Variants in DNAH5 observed in about 807,000 individuals in gnomAD.
DNAH5 encodes the protein dynein axonemal heavy chain 5, also known as axonemal beta dynein heavy chain 5.
In DNAH5, 372 loss-of-function variants were observed where a neutral mutation model predicts 518.2. The ratio of observed to expected loss-of-function variants is 0.72; its 90% CI spans 0.66 to 0.78. DNAH5 has a LOEUF of 0.78. DNAH5 is among the 30% of genes least tolerant of loss of function. The probability of loss-of-function intolerance (pLI) is 0.00; values close to 1 mark genes in which losing one functional copy is unlikely to be tolerated. For synonymous variants in DNAH5, 2,039 were observed against 2,025.9 expected (o/e 1.01, Z -0.17); for missense variants, 5,523 against 5,687.0 (o/e 0.97, Z 0.93).
At chr5:13,821,087 T>A (rs992616337) in intron 40 of DNAH5, among the ~76,000 whole-genome samples, 1 of 152,172 alleles carries the variant, frequency 6.6e-6, no homozygotes, top group African/African-American at 2.4e-5. Context: ...ATATATTGCA[T>A]GAAAAATACA....
At chr5:13,942,265 A>G (rs1302528953) in intron 1 of DNAH5, among the ~76,000 whole-genome samples, 1 of 151,070 alleles carries the variant, frequency 6.6e-6, no homozygotes, top group Non-Finnish European at 1.5e-5. Context: ...TTATTACATT[A>G]CAGTAGCCTA....
intron 1 of DNAH5, among the ~76,000 whole-genome samples, chr5:13,941,215 A>C (rs755033966): frequency 7.2e-5 from 11 of 152,290 alleles, no homozygotes; most frequent in Non-Finnish European, 1.5e-4. Flanking sequence ...AAAATTAGCC[A>C]GATGCGGGGA....
chr5:13,867,991 T>C lies in DNAH5; in HGVS notation c.3836A>G (p.Glu1279Gly), dbSNP rs758120129. The C allele has an allele frequency of 6.3e-7, 1 of 1,587,438 alleles. No homozygotes were observed. Among genetic ancestry groups the C allele is most frequent in the Non-Finnish European group, 8.6e-7 (1 of 1,165,580 alleles). ...SIDFQVGPIE[E>G]SYALLNRYGL... ...ATATCTGTTAAGCAGGGCATAAGATTCCTAAAAAAAAATAGGAAAAACTTA... is the reference window on the plus strand; with the variant it reads ...ATATCTGTTAAGCAGGGCATAAGATCCCTAAAAAAAAATAGGAAAAACTTA... The change falls in exon 25 of 79, where the codon GAA becomes GGA. Residue 1279 changes from glutamate to glycine, a missense_variant and splice_region_variant. Around this residue, in one of 3 missense-constraint regions of DNAH5, gnomAD observed 5,121 missense variants for 5,223.3 expected, o/e 0.98. Coordinates refer to ENST00000265104, the MANE Select transcript of DNAH5 (RefSeq NM_001369.3).
chr5:13,955,891 T>A (rs1780733022), intron 1 of DNAH5, among the ~76,000 whole-genome samples: 1 of 152,164 alleles, frequency 6.6e-6, no homozygotes, highest in African/African-American at 2.4e-5. Flanking sequence ...CTTATTTCAA[T>A]ATTAAATTTT....
In DNAH5 at chr5:13,900,362, T is replaced by C. The variant is rs1287386869; in HGVS notation, c.2103A>G (p.Pro701=). 6.2e-6 allele frequency: 10 copies of C among 1,614,186 alleles called. No homozygotes were observed. Among genetic ancestry groups the C allele is most frequent in the Non-Finnish European group, 7.6e-6 (9 of 1,180,018 alleles). The change falls in exon 15 of 79, where the codon CCA becomes CCG. Residue 701 remains proline (P), a synonymous_variant. Coordinates refer to ENST00000265104, the MANE Select transcript of DNAH5 (RefSeq NM_001369.3). The part of the protein sequence containing the change: ...GLEASLLVKA[P]GTGELFVNFD... ...AGTTTACAAACAATTCCCCTGTGCC[T>C]GGAGCCTTCACCAATAATGAAGCCT...
At chr5:14,005,242 C>T (rs763670790) in intron 1 of DNAH5, among the ~76,000 whole-genome samples, 3 of 152,194 alleles carry the variant, frequency 2.0e-5, no homozygotes, top group Admixed American at 1.3e-4. Flanking sequence ...TCCAGAAAAC[C>T]CTCTTTGACC....
chr5:13,916,779 C>T (rs934581322), intron 8 of DNAH5, among the ~76,000 whole-genome samples: 6 of 151,840 alleles, frequency 4.0e-5, no homozygotes, highest in Non-Finnish European at 7.4e-5. Flanking sequence ...CTTCCGAAAG[C>T]TAAAAGATTA....
At position 13,700,795 on chromosome 5, in the gene DNAH5, T is replaced by C; in HGVS notation, c.13568A>G (p.Asp4523Gly). The change falls in exon 78 of 79, where the codon GAC becomes GGC. Residue 4523 changes from aspartate to glycine, a missense_variant. Around this residue, in one of 3 missense-constraint regions of DNAH5, gnomAD observed 387 missense variants for 430.0 expected, o/e 0.90. Transcript: ENST00000265104. ...LCNEVTKWMK[D>G]DISAPPTEGV... is the part of the protein sequence containing the mutation. ...CTCTGTGGGAGGGGCAGAAATGTCG[T>C]CCTTCATCCATTTGGTGACTTCATT... 1 of 1,614,150 alleles carries C rather than the reference T, an allele frequency of 6.2e-7. No individual in the cohort carries two copies. The highest frequency in any genetic ancestry group is 8.5e-7 in the Non-Finnish European group (1 of 1,180,002).
intron 9 of DNAH5, among the ~76,000 whole-genome samples, 197 bp from the exon 10 acceptor site, chr5:13,914,839 G>A (rs1776450728): frequency 6.6e-6 from 1 of 152,060 alleles, no homozygotes; most frequent in Admixed American, 6.6e-5. Flanking sequence ...AAATCACAGA[G>A]TTGGAAGCAC....
At chr5:13,906,101 G>T (rs891094200) in intron 12 of DNAH5, among the ~76,000 whole-genome samples, 3 of 152,186 alleles carry the variant, frequency 2.0e-5, no homozygotes, top group Non-Finnish European at 2.9e-5. Flanking sequence ...AGTAGTTACC[G>T]GGAGAGGGAA....
At chr5:13,714,217 A>C (rs1446984073) in intron 75 of DNAH5, among the ~76,000 whole-genome samples, 188 bp downstream of exon 75, 3 of 152,316 alleles carry the variant, frequency 2.0e-5, no homozygotes, top group Middle Eastern at 3.4e-3. Context: ...TGGTTTATAT[A>C]TTGAAAAGAT....
At chr5:13,824,135 A>G in intron 39 of DNAH5, 64 bp downstream of exon 39, 3 of 1,493,712 alleles carry the variant, frequency 2.0e-6, no homozygotes, top group Non-Finnish European at 2.8e-6. Context: ...TTGAAGTCTC[A>G]TGTATGGGCA....
At chr5:13,984,158 G>C (rs2152069097) in intron 1 of DNAH5, among the ~76,000 whole-genome samples, 1 of 152,290 alleles carries the variant, frequency 6.6e-6, no homozygotes, top group East Asian at 1.9e-4. Context: ...TGCCAGCTTT[G>C]AAGGAGCCTG....
chr5:13,804,193 T>C lies in DNAH5; in HGVS notation c.7887+3398A>G, dbSNP rs145369842. Among the ~76,000 whole-genome samples the C allele has an allele frequency of 7.1e-3, 1,084 of 152,286 alleles. 5 individuals carry two copies. Among genetic ancestry groups the C allele is most frequent in the Non-Finnish European group, 0.01 (684 of 68,016 alleles). On this transcript the variant is annotated intron_variant, in intron 47 of 78. Coordinates refer to ENST00000265104, the MANE Select transcript of DNAH5 (RefSeq NM_001369.3). ...AAATGGAGTGACTGTATAATTTTTG[T>C]CCAAACTTTTGATAGTGGCAAAGGA... is the stretch of plus-strand genomic sequence containing the variant.
rs559334478 is a variant in DNAH5, at chr5:13,911,414, T to G, written c.1616A>C (p.Glu539Ala). The change falls in exon 12 of 79, where the codon GAG (glutamate) becomes GCG (alanine). Residue 539 changes from glutamate to alanine, a missense_variant. Glu to Ala is a moderately radical substitution (Grantham distance 107). Transcript: ENST00000265104. The part of the protein sequence containing the change: ...RKMDFDQDYE[E>A]FCKQTNDLHN... ...AAGGTCATTAGTCTGCTTGCAAAAC[T>G]CTTCGTAATCTTGGTCAAAATCCAT... is the stretch of plus-strand genomic sequence containing the variant. 3.1e-6 allele frequency: 5 copies of G among 1,614,042 alleles called. No homozygotes were observed. In the African/African-American group the frequency reaches 5.3e-5, roughly 17 times the overall value.
Position 13,762,850 on chromosome 5 carries a change from A to G in DNAH5, c.10153T>C (p.Tyr3385His). Reference sequence around the variant, plus strand: ...ATGTTATAGTCAGGCATTTCAAAGTAAGGACTCAAAAATTCTATCACCTCT... The same window carrying G: ...ATGTTATAGTCAGGCATTTCAAAGTGAGGACTCAAAAATTCTATCACCTCT... ...NEEVIEFLSP[Y>H]FEMPDYNIET... The change falls in exon 60 of 79, where the codon TAC becomes CAC. Residue 3385 changes from tyrosine (Y) to histidine (H), a missense_variant. This residue lies in a region of DNAH5 where 5,121 missense variants were observed against 5,223.3 expected (regional missense o/e 0.98). Coordinates refer to ENST00000265104, the MANE Select transcript of DNAH5 (RefSeq NM_001369.3). 1.9e-6 allele frequency: 3 copies of G among 1,614,022 alleles called. No individual in the cohort carries two copies. The highest frequency in any genetic ancestry group is 2.5e-6 in the Non-Finnish European group (3 of 1,179,872).
intron 46 of DNAH5, among the ~76,000 whole-genome samples, chr5:13,808,308 C>T (rs1017867949): frequency 4.0e-5 from 6 of 151,426 alleles, no homozygotes; most frequent in African/African-American, 7.3e-5. Flanking sequence ...AGGCAGCCAT[C>T]TACCAGCCAA....
At chr5:13,937,608 C>G (rs1283445792) in intron 1 of DNAH5, among the ~76,000 whole-genome samples, 1 of 151,994 alleles carries the variant, frequency 6.6e-6, no homozygotes, top group African/African-American at 2.4e-5. Context: ...ATACCAGGTC[C>G]TCATACAATA....
chr5:13,715,173 CAGG>C (rs1229133977), intron 74 of DNAH5, among the ~76,000 whole-genome samples: 1 of 151,960 alleles, frequency 6.6e-6, no homozygotes. Context: ...CAGGCAGAAG[CAGG>C]AGAAGCAGGC....
Sources: allele counts gnomAD v4.1 joint callset (sites outside exome capture counted in the v4.1 genomes callset), GRCh38; gene constraint gnomAD v4.1.1; regional missense constraint gnomAD v4.1.1; transcripts MANE v1.5; gene names NCBI Gene and HGNC (gene_info 2026-07-23, HGNC 2026-07-21).